CLSTN2: variants seen among roughly 807,000 people sequenced by gnomAD.
The protein encoded by CLSTN2 is calsyntenin-2.
Under a neutral mutation model 101.2 loss-of-function variants are expected in CLSTN2, and 48 were observed. The ratio of observed to expected loss-of-function variants is 0.47; its 90% CI spans 0.38 to 0.60. The LOEUF is 0.60. CLSTN2 is among the 20% of genes least tolerant of loss of function. The probability of loss-of-function intolerance (pLI) is 0.00; values close to 1 mark genes in which losing one functional copy is unlikely to be tolerated. For missense variants in CLSTN2, 1,160 were observed against 1,238.2 expected (o/e 0.94, Z 0.95); for synonymous variants, 481 against 463.6 (o/e 1.04, Z -0.48).
chr3:140,223,517 G>A (rs1417913852), intron 2 of CLSTN2, among the ~76,000 whole-genome samples: 3 of 152,044 alleles, frequency 2.0e-5, no homozygotes, highest in Non-Finnish European at 4.4e-5. Flanking sequence ...TCCAGTTTCC[G>A]AAGAAGGATC....
chr3:140,153,730 A>T (rs2009905651), intron 1 of CLSTN2, among the ~76,000 whole-genome samples: 1 of 152,112 alleles, frequency 6.6e-6, no homozygotes, highest in African/African-American at 2.4e-5. Flanking sequence ...TGATGTGGGG[A>T]ATGTCTGAGC....
intron 1 of CLSTN2, among the ~76,000 whole-genome samples, chr3:139,986,001 G>T (rs1936015356): frequency 6.6e-6 from 1 of 152,162 alleles, no homozygotes; most frequent in African/African-American, 2.4e-5. Context: ...AAGCCTTGTT[G>T]TCCAGGTGTT....
chr3:140,451,751 A>C (rs1256740884), intron 6 of CLSTN2, among the ~76,000 whole-genome samples: 1 of 152,194 alleles, frequency 6.6e-6, no homozygotes, highest in Non-Finnish European at 1.5e-5. Flanking sequence ...GGGTACTTTC[A>C]GTTCCAGAGA....
At position 140,564,040 on chromosome 3, in the gene CLSTN2, G is replaced by T. The variant is rs1313837888; in HGVS notation, c.2562G>T (p.Arg854=). 5.6e-6 allele frequency: 9 copies of T among 1,614,012 alleles called. No individual in the cohort carries two copies. In the South Asian group the frequency reaches 9.9e-5, roughly 18 times the overall value. ...TTGTCGTGGCCATGGGTGTGTACCG[G>T]GTCCGGATCGCCCACCAGCACTTCA... is the stretch of plus-strand genomic sequence containing the variant. ...LVFVVAMGVY[R]VRIAHQHFIQ... is the part of the protein sequence containing the mutation. The change falls in exon 16 of 17, where the codon CGG becomes CGT. Residue 854 remains arginine, a synonymous_variant. Transcript: ENST00000458420.
intron 1 of CLSTN2, among the ~76,000 whole-genome samples, chr3:140,135,087 A>C (rs13088447): frequency 0.4 from 19,146 of 48,216 alleles, 4,890 homozygotes; most frequent in Non-Finnish European, 0.54. Flanking sequence ...CTCTCAAAAA[A>C]ACACACACAC....
chr3:140,372,265 A>G (rs1352964921), intron 2 of CLSTN2, among the ~76,000 whole-genome samples: 2 of 152,152 alleles, frequency 1.3e-5, no homozygotes, highest in Admixed American at 1.3e-4. Context: ...GGTCTCATCT[A>G]TAGATGCTTG....
At chr3:139,995,480 C>A (rs915520945) in intron 1 of CLSTN2, among the ~76,000 whole-genome samples, 1 of 152,190 alleles carries the variant, frequency 6.6e-6, no homozygotes, top group Non-Finnish European at 1.5e-5. Context: ...CATTAGCAGT[C>A]TTTTCTCCTC....
At chr3:140,233,973 T>A (rs778021640) in intron 2 of CLSTN2, among the ~76,000 whole-genome samples, 9 of 152,170 alleles carry the variant, frequency 5.9e-5, no homozygotes, top group Non-Finnish European at 1.3e-4. Flanking sequence ...GTGGCAGAGT[T>A]AAGTAGTCAT....
intron 2 of CLSTN2, among the ~76,000 whole-genome samples, chr3:140,273,962 C>A (rs2086768969): frequency 6.6e-6 from 1 of 152,138 alleles, no homozygotes; most frequent in Admixed American, 6.5e-5. Flanking sequence ...ACGCACAGAG[C>A]CACAGGAATG....
At chr3:140,474,977 C>T (rs974019377) in intron 8 of CLSTN2, among the ~76,000 whole-genome samples, 3 of 128,828 alleles carry the variant, frequency 2.3e-5, no homozygotes, top group Non-Finnish European at 3.7e-5. Flanking sequence ...GCAATGATAA[C>T]CTTAACACCC....
At chr3:140,503,430 G>T (rs984422960) in intron 8 of CLSTN2, among the ~76,000 whole-genome samples, 1 of 152,190 alleles carries the variant, frequency 6.6e-6, no homozygotes, top group Non-Finnish European at 1.5e-5. Context: ...ATCCTGTACA[G>T]GTCCATAGCC....
chr3:140,448,721 T>G lies in CLSTN2; in HGVS notation c.973+17T>G, dbSNP rs763973636. 1.3e-6 allele frequency: 2 copies of G among 1,593,660 alleles called. No individual in the cohort carries two copies. The highest frequency in any genetic ancestry group is 8.6e-7 in the Non-Finnish European group (1 of 1,164,706). On this transcript the variant is annotated intron_variant, in intron 6 of 16. Coordinates refer to ENST00000458420, the MANE Select transcript of CLSTN2 (RefSeq NM_022131.3). ...AGTTATGTGGTAGGTTTTTCCCTTTTGGGATTTTAAAAATCAATTGCTTTT... is the reference window on the plus strand; with the variant it reads ...AGTTATGTGGTAGGTTTTTCCCTTTGGGGATTTTAAAAATCAATTGCTTTT...
intron 2 of CLSTN2, among the ~76,000 whole-genome samples, chr3:140,202,539 T>G (rs1227057530): frequency 1.3e-5 from 2 of 152,180 alleles, no homozygotes; most frequent in African/African-American, 4.8e-5. Context: ...GTTAGAACGT[T>G]CTGTCTGCTG....
intron 2 of CLSTN2, among the ~76,000 whole-genome samples, chr3:140,210,539 T>C (rs962536025): frequency 6.6e-6 from 1 of 152,184 alleles, no homozygotes; most frequent in African/African-American, 2.4e-5. Flanking sequence ...AGAGCAATTT[T>C]TGGTTTTCTC....
intron 1 of CLSTN2, among the ~76,000 whole-genome samples, chr3:140,065,470 T>C (rs929648206): frequency 6.6e-6 from 1 of 152,246 alleles, no homozygotes; most frequent in Admixed American, 6.5e-5. Flanking sequence ...ACTATCCTTA[T>C]CTTGGTCAGG....
chr3:140,300,557 T>A lies in CLSTN2; in HGVS notation c.233-103072T>A, dbSNP rs534052834. Among the ~76,000 whole-genome samples, 40 of 152,006 alleles carry A rather than the reference T, an allele frequency of 2.6e-4. No homozygotes were observed. The South Asian group carries it at 8.3e-3, about 32-fold the overall frequency. ...TGCTATTACAGAGCCCAGCACAGGG[T>A]TCTTTTGGGGTCAGGGGCTCTGAGG... On this transcript the variant is annotated intron_variant, in intron 2 of 16. Transcript: ENST00000458420.
intron 9 of CLSTN2, among the ~76,000 whole-genome samples, chr3:140,535,782 G>A (rs1466118065): frequency 2.0e-5 from 3 of 152,222 alleles, no homozygotes; most frequent in African/African-American, 7.2e-5. Context: ...TTTACCCAAA[G>A]TTGCTCAATT....
At chr3:140,114,372 C>T (rs1038756663) in intron 1 of CLSTN2, among the ~76,000 whole-genome samples, 5 of 152,180 alleles carry the variant, frequency 3.3e-5, no homozygotes, top group Admixed American at 2.0e-4. Flanking sequence ...CCCGCTGGCC[C>T]TGCATCTGGC....
At position 140,536,014 on chromosome 3, in the gene CLSTN2, A is replaced by G. The variant is rs1935352379; in HGVS notation, c.1507+3528A>G. ...CAAGAATGCTGCGTTCCCCTTACTA[A>G]TCTTTTAAAAACACACAAGAATGCT... On this transcript the variant is annotated intron_variant, in intron 9 of 16. Transcript: ENST00000458420. Among the ~76,000 whole-genome samples the G allele has an allele frequency of 2.2e-5, 3 of 136,860 alleles. No homozygotes were observed. The South Asian group carries it at 7.4e-4, about 34-fold the overall frequency. The allele number at this position is 136,860 out of a possible 152,430, so 89.8% of individuals were successfully genotyped here.
Sources: gnomAD v4.1 joint callset for allele counts (sites outside exome capture counted in the v4.1 genomes callset) on GRCh38, gnomAD v4.1.1 for gene constraint, MANE v1.5 for transcripts, NCBI Gene and HGNC (gene_info 2026-07-23, HGNC 2026-07-21) for gene names.